Variants in SAMD4A observed in about 807,000 individuals in gnomAD.
SAMD4A encodes the protein sterile alpha motif domain containing 4A.
In SAMD4A, 33 loss-of-function variants were observed where a neutral mutation model predicts 81.3. The ratio of observed to expected loss-of-function variants is 0.41; its 90% CI spans 0.31 to 0.54. The LOEUF (loss-of-function observed/expected upper bound fraction) is 0.54. Among genes scored for constraint, SAMD4A ranks in the 20% least tolerant of loss-of-function variants. The probability of loss-of-function intolerance (pLI) is 0.37; values close to 1 mark genes in which losing one functional copy is unlikely to be tolerated. For missense variants in SAMD4A, 854 were observed against 951.1 expected (o/e 0.90, Z 1.34); for synonymous variants, 389 against 382.1 (o/e 1.02, Z -0.21).
chr14:54,652,767 G>A (rs1033433722), intron 2 of SAMD4A: 1 of 152,020 alleles, frequency 6.6e-6, no homozygotes, highest in Admixed American at 6.5e-5. Flanking sequence ...CTTTAAGAGT[G>A]TGGGTTTTCT....
chr14:54,673,005 G>A (rs1412114345), intron 2 of SAMD4A, among the ~76,000 whole-genome samples: 1 of 152,154 alleles, frequency 6.6e-6, no homozygotes, highest in African/African-American at 2.4e-5. Flanking sequence ...GAGGTACCTG[G>A]GACCCTTTCT....
chr14:54,719,382 A>C (rs2037205259), intron 3 of SAMD4A, among the ~76,000 whole-genome samples: 1 of 152,160 alleles, frequency 6.6e-6, no homozygotes, highest in African/African-American at 2.4e-5. Flanking sequence ...GCTTTTCTTC[A>C]AGTCCTATCA....
chr14:54,674,863 C>A (rs2359358), intron 2 of SAMD4A, among the ~76,000 whole-genome samples: 5 of 152,084 alleles, frequency 3.3e-5, no homozygotes, highest in African/African-American at 9.7e-5. Flanking sequence ...ATCCTCCCAC[C>A]TCAGCCTCTT....
chr14:54,760,623 A>AGG, intron 7 of SAMD4A, 129 bp downstream of exon 7: 2 of 1,329,538 alleles, frequency 1.5e-6, no homozygotes, highest in Non-Finnish European at 1.9e-6. Flanking sequence ...TTCATCTTAC[A>AGG]GATAGGGAAA....
At chr14:54,745,290 C>T (rs1397187339) in intron 4 of SAMD4A, among the ~76,000 whole-genome samples, 1 of 152,192 alleles carries the variant, frequency 6.6e-6, no homozygotes, top group Non-Finnish European at 1.5e-5. Flanking sequence ...CATTTGACCC[C>T]CTGCCTATTT....
At chr14:54,633,164 G>C (rs189560542) in intron 2 of SAMD4A, among the ~76,000 whole-genome samples, 42 of 152,340 alleles carry the variant, frequency 2.8e-4, no homozygotes, top group Middle Eastern at 6.8e-3. Context: ...GGCATGAGGA[G>C]TGGAGGCAGG....
rs995032221 is a variant in SAMD4A at position 54,702,193 on chromosome 14, G to A, written c.328G>A (p.Ala110Thr). ...TATGAAACTGCTGCCCAAAATCCTG[G>A]CTCACTCTATTGAACACAACCAGCA... is the stretch of plus-strand genomic sequence containing the variant. ...EYMKLLPKIL[A>T]HSIEHNQHIE... Residue 110 changes from alanine to threonine, a missense_variant, in exon 3 of 13, where the codon GCT becomes ACT. Coordinates refer to ENST00000554335, the MANE Select transcript of SAMD4A (RefSeq NM_015589.6). 1.2e-6 allele frequency: 2 copies of A among 1,614,046 alleles called. No homozygotes were observed. Among genetic ancestry groups the A allele is most frequent in the Non-Finnish European group, 8.5e-7 (1 of 1,180,026 alleles).
intron 2 of SAMD4A, among the ~76,000 whole-genome samples, chr14:54,585,398 A>G (rs1476564165): frequency 1.3e-5 from 2 of 152,202 alleles, no homozygotes; most frequent in Non-Finnish European, 2.9e-5. Context: ...AAAAATTAGC[A>G]TATGTAATAT....
intron 3 of SAMD4A, among the ~76,000 whole-genome samples, chr14:54,723,246 G>A (rs191723681): frequency 2.9e-4 from 44 of 152,228 alleles, no homozygotes; most frequent in Middle Eastern, 6.8e-3. Context: ...CAGCAGAACC[G>A]TAAGCTTTGT....
chr14:54,774,231 G>C (rs1265231802), intron 9 of SAMD4A, among the ~76,000 whole-genome samples: 4 of 152,210 alleles, frequency 2.6e-5, no homozygotes, highest in Non-Finnish European at 5.9e-5. Flanking sequence ...ATTACGCGCT[G>C]TTTTACTTCT....
At chr14:54,770,265 T>C in intron 9 of SAMD4A, 43 bp downstream of exon 9, 1 of 1,363,948 alleles carries the variant, frequency 7.3e-7, no homozygotes, top group Non-Finnish European at 1.0e-6. Context: ...GTGGTTCCCC[T>C]GGCGCCTTGT....
chr14:54,780,825 G>A (rs2038981406), intron 11 of SAMD4A, among the ~76,000 whole-genome samples: 1 of 152,100 alleles, frequency 6.6e-6, no homozygotes, highest in Admixed American at 6.6e-5. Context: ...GAGAAAAGGT[G>A]CGTTCCCATG....
intron 3 of SAMD4A, among the ~76,000 whole-genome samples, chr14:54,722,680 G>A (rs2037292963): frequency 6.6e-6 from 1 of 152,138 alleles, no homozygotes; most frequent in Non-Finnish European, 1.5e-5. Context: ...ATAGCAAGGG[G>A]AGTGGATTAG....
chr14:54,727,153 CCTT>C lies in SAMD4A; in HGVS notation c.716-9867_716-9865del, dbSNP rs1322966850. 3.8e-5 allele frequency among the ~76,000 whole-genome samples: 5 copies of C among 131,786 alleles called. No homozygotes were observed. The East Asian group carries it at 8.7e-4, about 23-fold the overall frequency. The allele number at this position is 131,786 out of a possible 152,430, so 86.5% of individuals were successfully genotyped here. ...ACCTGAATGAAGCTTATCACAACAG[CCTT>C]CTTTTTTTCCTTTTTTTTTTTTTTT... is the stretch of plus-strand genomic sequence containing the variant. On this transcript the variant is annotated intron_variant, in intron 3 of 12. Transcript: ENST00000554335.
intron 6 of SAMD4A, among the ~76,000 whole-genome samples, chr14:54,752,024 G>A (rs1255249748): frequency 6.6e-6 from 1 of 152,184 alleles, no homozygotes. Context: ...GGGTTCAAAA[G>A]CATTTGGCAG....
At chr14:54,669,945 C>G (rs1055037078) in intron 2 of SAMD4A, among the ~76,000 whole-genome samples, 1 of 152,152 alleles carries the variant, frequency 6.6e-6, no homozygotes, top group Non-Finnish European at 1.5e-5. Context: ...GCCCCCCCAG[C>G]CCCCTGGGGT....
chr14:54,777,169 G>C (rs1160387556), intron 11 of SAMD4A, among the ~76,000 whole-genome samples: 1 of 152,128 alleles, frequency 6.6e-6, no homozygotes, highest in Non-Finnish European at 1.5e-5. Flanking sequence ...AAGCCACACA[G>C]GCAATTACAC....
chr14:54,664,849 A>ACACACT (rs1278242279), intron 2 of SAMD4A, among the ~76,000 whole-genome samples: 4 of 150,380 alleles, frequency 2.7e-5, no homozygotes, highest in African/African-American at 9.8e-5. Flanking sequence ...ACACACACAC[A>ACACACT]CTTCCTTAAA....
chr14:54,568,528 C>T (rs1180905857), intron 2 of SAMD4A, among the ~76,000 whole-genome samples: 4 of 151,292 alleles, frequency 2.6e-5, no homozygotes, highest in African/African-American at 9.7e-5. Context: ...GATAGATGCC[C>T]GGGACTGCCC....
Sources: allele counts gnomAD v4.1 joint callset (sites outside exome capture counted in the v4.1 genomes callset), GRCh38; gene constraint gnomAD v4.1.1; transcripts MANE v1.5; gene names NCBI Gene and HGNC (gene_info 2026-07-23, HGNC 2026-07-21).